Variants in PRKCH observed in about 807,000 individuals in gnomAD.
PRKCH encodes the protein protein kinase C eta type.
In PRKCH, 28 loss-of-function variants were observed where a neutral mutation model predicts 82.5. That is an observed-to-expected ratio of 0.34 (90% CI 0.25 to 0.47). The LOEUF (loss-of-function observed/expected upper bound fraction) is 0.47. PRKCH is among the 20% of genes least tolerant of loss of function. The pLI is 1.00. For missense variants in PRKCH, 705 were observed against 881.8 expected (o/e 0.80, Z 2.54); for synonymous variants, 322 against 327.4 (o/e 0.98, Z 0.18).
intron 2 of PRKCH, among the ~76,000 whole-genome samples, chr14:61,397,605 A>G (rs750267346): frequency 3.2e-4 from 49 of 152,232 alleles, no homozygotes; most frequent in Non-Finnish European, 6.6e-4. Flanking sequence ...GGTTTACTTA[A>G]TGAACACCCA....
chr14:61,219,274 A>C (rs1294560850), intron 1 of PRKCH, among the ~76,000 whole-genome samples: 1 of 152,224 alleles, frequency 6.6e-6, no homozygotes, highest in Non-Finnish European at 1.5e-5. Flanking sequence ...GCCCAGTTAA[A>C]TTTGAGTTTC....
rs1566930964 is a variant in PRKCH, at chr14:61,530,439, A to C, written c.1605A>C (p.Val535=). Residue 535 remains valine, a synonymous_variant, in exon 12 of 14, where the codon GTA becomes GTC. Transcript: ENST00000332981. ...ILQEMLYGPA[V]DWWAMGVLLY... Reference sequence around the variant, plus strand: ...AGGAAATGCTGTACGGGCCTGCAGTAGACTGGTGGGCAATGGGCGTGTTGC... The same window carrying C: ...AGGAAATGCTGTACGGGCCTGCAGTCGACTGGTGGGCAATGGGCGTGTTGC... 3.1e-6 allele frequency: 5 copies of C among 1,608,272 alleles called. No homozygotes were observed. Among genetic ancestry groups the C allele is most frequent in the Non-Finnish European group, 3.4e-6 (4 of 1,177,274 alleles).
chr14:61,483,847 G>A (rs554510317), intron 9 of PRKCH, among the ~76,000 whole-genome samples: 1 of 152,272 alleles, frequency 6.6e-6, no homozygotes, highest in Admixed American at 6.5e-5. Context: ...CAGGACTCGA[G>A]ACCAGCCTGG....
chr14:61,214,216 G>C (rs150163393), intron 1 of PRKCH, among the ~76,000 whole-genome samples: 1 of 152,264 alleles, frequency 6.6e-6, no homozygotes, highest in East Asian at 1.9e-4. Context: ...TCAATGTCTT[G>C]TACCTGGCAG....
intron 13 of PRKCH, 115 bp from the exon 14 acceptor site, chr14:61,549,570 C>T (rs1364647510): frequency 1.8e-6 from 2 of 1,136,898 alleles, no homozygotes; most frequent in Non-Finnish European, 2.5e-6. Context: ...AATAATGCTA[C>T]TGAACAAGCT....
chr14:61,522,478 C>T (rs556380971), intron 10 of PRKCH, among the ~76,000 whole-genome samples: 10 of 152,192 alleles, frequency 6.6e-5, no homozygotes, highest in Non-Finnish European at 1.5e-4. Context: ...TCCAACCACA[C>T]TAGTCTTCAT....
intron 2 of PRKCH, among the ~76,000 whole-genome samples, chr14:61,437,051 G>A (rs1883713501): frequency 6.6e-6 from 1 of 152,186 alleles, no homozygotes; most frequent in African/African-American, 2.4e-5. Flanking sequence ...ACCCACTGGT[G>A]GGGTGTGCTT....
At chr14:61,471,748 G>T (rs1215275078) in intron 9 of PRKCH, among the ~76,000 whole-genome samples, 1 of 151,884 alleles carries the variant, frequency 6.6e-6, no homozygotes, top group Admixed American at 6.6e-5. Flanking sequence ...CCTGTTCATT[G>T]TGGATGTTTA....
At chr14:61,355,005 C>A (rs1425699602) in intron 1 of PRKCH, among the ~76,000 whole-genome samples, 3 of 152,100 alleles carry the variant, frequency 2.0e-5, no homozygotes, top group African/African-American at 7.2e-5. Flanking sequence ...ATGATTCTTG[C>A]CTTGAGAAAT....
chr14:61,512,442 A>T (rs1009005625), intron 10 of PRKCH, among the ~76,000 whole-genome samples: 1 of 152,024 alleles, frequency 6.6e-6, no homozygotes, highest in African/African-American at 2.4e-5. Flanking sequence ...CTAGTAAAAA[A>T]TTTTTGACTT....
rs566744315 is a variant in PRKCH at position 61,289,923 on chromosome 14, A to G, written c.-19+102255A>G. Among the ~76,000 whole-genome samples the G allele has an allele frequency of 5.3e-5, 8 of 152,290 alleles. No individual in the cohort carries two copies. In the South Asian group the frequency reaches 1.7e-3, roughly 32 times the overall value. On this transcript the variant is annotated intron_variant, in intron 1 of 3. Coordinates refer to the PRKCH transcript ENST00000555185. ...GGTTTCCTAGTGGCCAGAGAAGGGAAAGGATAAGTCATTGCATCTGTGAGA... is the reference window on the plus strand; with the variant it reads ...GGTTTCCTAGTGGCCAGAGAAGGGAGAGGATAAGTCATTGCATCTGTGAGA...
rs1016865237 is a variant in PRKCH, at chr14:61,367,776, G to A, written c.364-23449G>A. On this transcript the variant is annotated intron_variant, in intron 1 of 13. Transcript: ENST00000332981. Reference sequence around the variant, plus strand: ...TTCACCCAGGCTGGAGTGCAGTGGCGCAATCTCGGCTCACTGCAAGCTCCG... The same window carrying A: ...TTCACCCAGGCTGGAGTGCAGTGGCACAATCTCGGCTCACTGCAAGCTCCG... Among the ~76,000 whole-genome samples, 13 of 148,290 alleles carry A rather than the reference G, an allele frequency of 8.8e-5. No homozygotes were observed. In the East Asian group the frequency reaches 2.4e-3, roughly 27 times the overall value.
At chr14:61,304,913 A>G (rs1269582582) in intron 1 of PRKCH, 1 of 151,704 alleles carries the variant, frequency 6.6e-6, no homozygotes, top group Admixed American at 6.6e-5. Context: ...TCTAGTAAGA[A>G]GTCAACTGTG....
At chr14:61,401,956 G>A (rs772645786) in intron 2 of PRKCH, among the ~76,000 whole-genome samples, 6 of 152,196 alleles carry the variant, frequency 3.9e-5, no homozygotes, top group South Asian at 2.1e-4. Context: ...AATGAACTGC[G>A]CCTGTTACTT....
intron 1 of PRKCH, among the ~76,000 whole-genome samples, chr14:61,378,054 A>G (rs970366978): frequency 6.6e-6 from 1 of 151,954 alleles, no homozygotes; most frequent in South Asian, 2.1e-4. Context: ...GTGTGTTCTG[A>G]TATTAGTTCT....
chr14:61,455,302 C>T (rs1173781992), intron 7 of PRKCH, among the ~76,000 whole-genome samples: 1 of 151,474 alleles, frequency 6.6e-6, no homozygotes, highest in African/African-American at 2.4e-5. Flanking sequence ...GGCCTCCCAA[C>T]GTGCTGGGAT....
intron 1 of PRKCH, among the ~76,000 whole-genome samples, chr14:61,198,879 C>G (rs2044459578): frequency 6.6e-6 from 1 of 152,164 alleles, no homozygotes; most frequent in South Asian, 2.1e-4. Context: ...GTGCATCATT[C>G]CCATGAGATC....
intron 10 of PRKCH, among the ~76,000 whole-genome samples, chr14:61,523,731 G>A (rs1273111967): frequency 6.6e-6 from 1 of 152,166 alleles, no homozygotes; most frequent in Non-Finnish European, 1.5e-5. Context: ...ACAGACAAAT[G>A]GCAGTATGCT....
intron 9 of PRKCH, among the ~76,000 whole-genome samples, chr14:61,480,364 G>T (rs1285909076): frequency 6.6e-6 from 1 of 152,122 alleles, no homozygotes; most frequent in Non-Finnish European, 1.5e-5. Context: ...GCATGATTTG[G>T]TGTTTGTTGA....
Sources: gnomAD v4.1 joint callset for allele counts (sites outside exome capture counted in the v4.1 genomes callset) on GRCh38, gnomAD v4.1.1 for gene constraint, MANE v1.5 for transcripts, NCBI Gene and HGNC (gene_info 2026-07-23, HGNC 2026-07-21) for gene names.